AGBL4: variants seen among roughly 807,000 people sequenced by gnomAD.
AGBL4 encodes AGBL carboxypeptidase 4.
AGBL4 carries 58 observed loss-of-function variants against 66.4 expected under a neutral mutation model. The ratio of observed to expected loss-of-function variants is 0.87; its 90% CI spans 0.71 to 1.09. The LOEUF (loss-of-function observed/expected upper bound fraction) is 1.09, where lower values mean the gene tolerates loss of function less well. AGBL4 is among the 50% of genes least tolerant of loss of function. The probability of loss-of-function intolerance (pLI) is 0.00; values close to 1 mark genes in which losing one functional copy is unlikely to be tolerated. For synonymous variants in AGBL4, 234 were observed against 222.9 expected, an observed-to-expected ratio of 1.05 and a Z score of -0.44; for missense variants, 579 against 631.0, an observed-to-expected ratio of 0.92 and a Z score of 0.88.
At chr1:49,536,686 T>C (rs1408619366) in intron 3 of AGBL4, among the ~76,000 whole-genome samples, 1 of 152,188 alleles carries the variant, frequency 6.6e-6, no homozygotes. Context: ...AATAGCATGG[T>C]ATTGGTATAA....
intron 6 of AGBL4, among the ~76,000 whole-genome samples, chr1:48,687,145 A>G (rs943902464): frequency 2.0e-5 from 3 of 152,322 alleles, no homozygotes; most frequent in Admixed American, 6.5e-5. Flanking sequence ...ACAGCGGCAG[A>G]TGAAGCACAA....
At chr1:49,152,035 G>C (rs929716536) in intron 4 of AGBL4, among the ~76,000 whole-genome samples, 2 of 151,616 alleles carry the variant, frequency 1.3e-5, no homozygotes, top group Admixed American at 6.6e-5. Flanking sequence ...TTGACCACTT[G>C]CTATACAGCA....
intron 1 of AGBL4, among the ~76,000 whole-genome samples, chr1:49,880,926 G>T (rs1365242487): frequency 3.3e-5 from 5 of 152,096 alleles, no homozygotes; most frequent in African/African-American, 1.2e-4. Flanking sequence ...CGATTTTCCA[G>T]GTGCGTCCGT....
intron 11 of AGBL4, among the ~76,000 whole-genome samples, chr1:48,555,771 C>T (rs1644312016): frequency 6.6e-6 from 1 of 152,098 alleles, no homozygotes; most frequent in South Asian, 2.1e-4. Context: ...GAGTTAGGGC[C>T]TGAGCTCAGG....
chr1:49,594,069 T>C (rs999045886), intron 3 of AGBL4, among the ~76,000 whole-genome samples: 1 of 152,028 alleles, frequency 6.6e-6, no homozygotes, highest in African/African-American at 2.4e-5. Flanking sequence ...TTGCAGAAAA[T>C]GCTTACGTGA....
chr1:49,224,544 G>A (rs910961243), intron 4 of AGBL4, among the ~76,000 whole-genome samples: 7 of 149,310 alleles, frequency 4.7e-5, no homozygotes, highest in Non-Finnish European at 8.9e-5. Context: ...GTGGACCCAG[G>A]AGGCAGAGCT....
At chr1:49,937,725 T>G (rs561078098) in intron 1 of AGBL4, among the ~76,000 whole-genome samples, 1 of 152,136 alleles carries the variant, frequency 6.6e-6, no homozygotes, top group Admixed American at 6.5e-5. Context: ...CTGAACAACC[T>G]GCTCCTGAAT....
chr1:48,998,105 C>A (rs1297379848), intron 5 of AGBL4, among the ~76,000 whole-genome samples: 1 of 152,140 alleles, frequency 6.6e-6, no homozygotes, highest in Non-Finnish European at 1.5e-5. Context: ...TCTTTATTGG[C>A]ATTTTAAAAA....
In AGBL4 at chr1:48,725,794, T is replaced by C. The variant is rs139637726; in HGVS notation, c.635-62553A>G. 1.0e-3 allele frequency among the ~76,000 whole-genome samples: 158 copies of C among 152,298 alleles called. 1 individual carries two copies. The highest frequency in any genetic ancestry group is 1.7e-3 in the Non-Finnish European group (118 of 68,024). On this transcript the variant is annotated intron_variant, in intron 6 of 13. Transcript: ENST00000371839. ...CTCATATTACAATAACAAGGCACCA[T>C]GTACACAACAGAGGCCAAACCGTCT...
At chr1:49,140,209 AAGTT>A (rs1646091839) in intron 4 of AGBL4, among the ~76,000 whole-genome samples, 1 of 152,212 alleles carries the variant, frequency 6.6e-6, no homozygotes, top group Non-Finnish European at 1.5e-5. Context: ...AAAACAATAA[AAGTT>A]AGGTACAACT....
intron 1 of AGBL4, among the ~76,000 whole-genome samples, chr1:49,862,067 G>A (rs939285544): frequency 4.6e-5 from 7 of 151,996 alleles, no homozygotes; most frequent in Non-Finnish European, 1.0e-4. Flanking sequence ...GACCAATCCT[G>A]GAAAAATAGA....
chr1:49,016,360 C>G (rs1662824278), intron 5 of AGBL4, among the ~76,000 whole-genome samples: 1 of 152,170 alleles, frequency 6.6e-6, no homozygotes, highest in South Asian at 2.1e-4. Context: ...TAAAATAAAT[C>G]TATTTTAAGT....
chr1:49,560,137 A>C lies in AGBL4; in HGVS notation c.282+137176T>G, dbSNP rs528151452. ...TGACCTCACCAAATGAACTCAATAA[A>C]GCACCAGGGACCAATACTGGAGGAA... On this transcript the variant is annotated intron_variant, in intron 3 of 13. Coordinates refer to ENST00000371839, the MANE Select transcript of AGBL4 (RefSeq NM_032785.4). Among the ~76,000 whole-genome samples, 34 of 152,300 alleles carry C rather than the reference A, an allele frequency of 2.2e-4. No homozygotes were observed. In the South Asian group the frequency reaches 6.0e-3, roughly 27 times the overall value.
At chr1:49,970,824 G>A (rs573067569) in intron 1 of AGBL4, among the ~76,000 whole-genome samples, 73 of 150,414 alleles carry the variant, frequency 4.9e-4, no homozygotes, top group Non-Finnish European at 1.2e-4. Flanking sequence ...AAACGACAGT[G>A]AGATATTACC....
intron 5 of AGBL4, among the ~76,000 whole-genome samples, chr1:48,972,745 T>C (rs1659010714): frequency 6.6e-6 from 1 of 152,186 alleles, no homozygotes; most frequent in Admixed American, 6.5e-5. Context: ...AGACAGGGGT[T>C]AGAAAGAATT....
At chr1:48,857,377 A>G (rs1265042762) in intron 6 of AGBL4, among the ~76,000 whole-genome samples, 6 of 152,242 alleles carry the variant, frequency 3.9e-5, no homozygotes, top group Non-Finnish European at 1.5e-5. Context: ...TTAACTCAAA[A>G]TGGATCTAAT....
chr1:49,869,046 G>A (rs1480359620), intron 1 of AGBL4, among the ~76,000 whole-genome samples: 1 of 152,132 alleles, frequency 6.6e-6, no homozygotes, highest in African/African-American at 2.4e-5. Context: ...ATCACAATGA[G>A]ATACCATCTC....
chr1:49,722,245 C>A (rs1469022112), intron 2 of AGBL4, among the ~76,000 whole-genome samples: 1 of 152,090 alleles, frequency 6.6e-6, no homozygotes, highest in Non-Finnish European at 1.5e-5. Context: ...CTTTCTTTTT[C>A]TGAAGATATA....
Position 49,765,096 on chromosome 1 carries a change from C to T in AGBL4, c.158-67659G>A, listed in dbSNP as rs974699559. On this transcript the variant is annotated intron_variant, in intron 2 of 13. Transcript: ENST00000371839. ...TCACCATCAGGGTATTTGTGGGTAA[C>T]CCAGAGGCTCCAGCATTGCCCAGCT... is the stretch of plus-strand genomic sequence containing the variant. Among the ~76,000 whole-genome samples, 16 of 152,260 alleles carry T rather than the reference C, an allele frequency of 1.1e-4. No homozygotes were observed. In the East Asian group the frequency reaches 1.2e-3, roughly 11 times the overall value.
Sources: gnomAD v4.1 joint callset for allele counts (sites outside exome capture counted in the v4.1 genomes callset) on GRCh38, gnomAD v4.1.1 for gene constraint, MANE v1.5 for transcripts, NCBI Gene and HGNC (gene_info 2026-07-23, HGNC 2026-07-21) for gene names.